Variants in NEMF observed in about 807,000 individuals in gnomAD.
NEMF encodes ribosome quality control complex subunit NEMF.
A neutral mutation model predicts 162.2 loss-of-function variants in NEMF; 89 were observed. The observed-to-expected ratio is 0.55, with a 90% CI of 0.46 to 0.65. The LOEUF is 0.65. Among genes scored for constraint, NEMF ranks in the 30% least tolerant of loss-of-function variants. NEMF has a pLI of 0.00. For missense variants in NEMF, 1,133 were observed against 1,261.9 expected, an observed-to-expected ratio of 0.90 and a Z score of 1.55; for synonymous variants, 421 against 404.5, an observed-to-expected ratio of 1.04 and a Z score of -0.49.
Position 49,782,933 on chromosome 14 carries a change from A to G in NEMF, c.*1703T>C, listed in dbSNP as rs1363337437. 3.1e-6 allele frequency: 5 copies of G among 1,613,314 alleles called. No homozygotes were observed. The highest frequency in any genetic ancestry group is 4.2e-6 in the Non-Finnish European group (5 of 1,179,696). On this transcript the variant is annotated 3_prime_UTR_variant, in exon 33 of 33. Coordinates refer to ENST00000298310, the MANE Select transcript of NEMF (RefSeq NM_004713.6). ...CAGTGTTAATCAGAGGTTTGGTAGT[A>G]ACAACACTTCTGGATCTTAAGGCTT...
intron 16 of NEMF, among the ~76,000 whole-genome samples, chr14:49,821,890 T>C (rs1167709300): frequency 1.3e-5 from 2 of 152,006 alleles, no homozygotes; most frequent in South Asian, 4.2e-4. Context: ...GGGGAAAAGA[T>C]TGAGAAATTG....
At chr14:49,812,329 T>C (rs959195427) in intron 18 of NEMF, among the ~76,000 whole-genome samples, 4 of 152,174 alleles carry the variant, frequency 2.6e-5, no homozygotes, top group Non-Finnish European at 5.9e-5. Flanking sequence ...AGCCAAGGGT[T>C]TATCAATTTT....
At chr14:49,807,679 C>T (rs1427829694) in intron 18 of NEMF, among the ~76,000 whole-genome samples, 3 of 151,420 alleles carry the variant, frequency 2.0e-5, no homozygotes, top group African/African-American at 7.3e-5. Flanking sequence ...TCACTGCAAC[C>T]TCCACCACCT....
chr14:49,823,341 T>C (rs947667334), intron 16 of NEMF, among the ~76,000 whole-genome samples: 1 of 151,876 alleles, frequency 6.6e-6, no homozygotes, highest in Admixed American at 6.5e-5. Flanking sequence ...ATCAAAACTA[T>C]TCTCAGAGAG....
intron 25 of NEMF, among the ~76,000 whole-genome samples, chr14:49,798,428 A>G (rs1890790783): frequency 6.6e-6 from 1 of 152,198 alleles, no homozygotes; most frequent in Non-Finnish European, 1.5e-5. Context: ...ATATACATAC[A>G]GTTTACATTT....
Position 49,782,778 on chromosome 14 carries a change from A to T in NEMF, c.*1858T>A. On this transcript the variant is annotated 3_prime_UTR_variant, in exon 33 of 33. Coordinates refer to ENST00000298310, the MANE Select transcript of NEMF (RefSeq NM_004713.6). ...TTTATGTAGTTTTTCAAGTGAATGTACTTCCAAACAGTAAAGTGAAATTAC... is the reference window on the plus strand; with the variant it reads ...TTTATGTAGTTTTTCAAGTGAATGTTCTTCCAAACAGTAAAGTGAAATTAC... 1 of 1,576,806 alleles carries T rather than the reference A, an allele frequency of 6.3e-7. No individual in the cohort carries two copies. Among genetic ancestry groups the T allele is most frequent in the Non-Finnish European group, 8.6e-7 (1 of 1,161,946 alleles).
intron 3 of NEMF, among the ~76,000 whole-genome samples, chr14:49,848,960 C>T (rs1383570277): frequency 6.8e-6 from 1 of 146,382 alleles, no homozygotes; most frequent in African/African-American, 2.5e-5. Context: ...CAACAATAAA[C>T]ACATAAATTC....
intron 15 of NEMF, among the ~76,000 whole-genome samples, chr14:49,826,193 C>A (rs901483031): frequency 6.6e-6 from 1 of 151,742 alleles, no homozygotes; most frequent in Non-Finnish European, 1.5e-5. Context: ...AAATATTTGC[C>A]CAAGACCTAC....
rs568315394 is a variant in NEMF at position 49,836,057 on chromosome 14, C to A, written c.575-1608G>T. Among the ~76,000 whole-genome samples the A allele has an allele frequency of 3.3e-5, 5 of 152,258 alleles. No individual in the cohort carries two copies. The East Asian group carries it at 7.7e-4, about 24-fold the overall frequency. On this transcript the variant is annotated intron_variant, in intron 6 of 32. Coordinates refer to ENST00000298310, the MANE Select transcript of NEMF (RefSeq NM_004713.6). ...TTAATGTAATCCTTACCAGGCCAGGCAGTGGCTCACAGCTGTAATTGAGAC... is the reference window on the plus strand; with the variant it reads ...TTAATGTAATCCTTACCAGGCCAGGAAGTGGCTCACAGCTGTAATTGAGAC...
intron 20 of NEMF, 43 bp downstream of exon 20, chr14:49,803,194 T>A (rs768568944): frequency 2.3e-6 from 3 of 1,322,036 alleles, no homozygotes; most frequent in Non-Finnish European, 2.2e-6. Context: ...GTCTCCATAA[T>A]CCATTGACAA....
chr14:49,795,761 G>A, intron 26 of NEMF, 30 bp downstream of exon 26: 1 of 1,575,272 alleles, frequency 6.3e-7, no homozygotes, highest in Non-Finnish European at 8.6e-7. Flanking sequence ...CAAATTAACT[G>A]TGAACCATAT....
intron 19 of NEMF, among the ~76,000 whole-genome samples, chr14:49,805,426 G>T (rs974667434): frequency 1.3e-5 from 2 of 152,026 alleles, no homozygotes; most frequent in Admixed American, 1.3e-4. Flanking sequence ...ATTTTGGGAG[G>T]CTGAAGCAAG....
intron 18 of NEMF, among the ~76,000 whole-genome samples, chr14:49,812,658 T>C (rs551154527): frequency 6.6e-6 from 1 of 152,350 alleles, no homozygotes; most frequent in South Asian, 2.1e-4. Context: ...CTTTGTTCCA[T>C]TGCTTATTTA....
At chr14:49,810,508 A>G (rs1396723639) in intron 18 of NEMF, among the ~76,000 whole-genome samples, 1 of 152,162 alleles carries the variant, frequency 6.6e-6, no homozygotes, top group African/African-American at 2.4e-5. Context: ...CCCTTGATCT[A>G]TTTGTCCATC....
chr14:49,789,542 T>C lies in NEMF; in HGVS notation c.2651A>G (p.Lys884Arg), dbSNP rs769832049. 1.6e-5 allele frequency: 25 copies of C among 1,611,516 alleles called. No individual in the cohort carries two copies. Among genetic ancestry groups the C allele is most frequent in the Admixed American group, 5.0e-5 (3 of 59,554 alleles). ...SKMKKMKEKYKDQDEEDRELI... is the reference protein window; with the variant it reads ...SKMKKMKEKYRDQDEEDRELI... ...TTCACGGTCTTCTTCATCCTGGTCT[T>C]TGTATTTTTCTTTCATTTTTTTCAT... Residue 884 changes from lysine (K) to arginine (R), a missense_variant, in exon 27 of 33, where the codon AAA becomes AGA. Physicochemically the swap from Lys to Arg is conservative, Grantham distance 26. Transcript: ENST00000298310.
intron 13 of NEMF, 107 bp from the exon 14 acceptor site, chr14:49,828,914 ATTAT>A: frequency 1.6e-6 from 2 of 1,279,482 alleles, no homozygotes; most frequent in Non-Finnish European, 2.1e-6. Context: ...TGGAAGTTTC[ATTAT>A]TTATTTTAAT....
chr14:49,799,662 C>T lies in NEMF; in HGVS notation c.2389G>A (p.Ala797Thr), dbSNP rs776857492. Residue 797 changes from alanine (A) to threonine (T), a missense_variant, in exon 24 of 33, where the codon GCT (alanine) becomes ACT (threonine). Physicochemically the swap from Ala to Thr is moderately conservative, Grantham distance 58. Around this residue, in one of 3 missense-constraint regions of NEMF, gnomAD observed 532 missense variants for 578.6 expected, o/e 0.92. Coordinates refer to ENST00000298310, the MANE Select transcript of NEMF (RefSeq NM_004713.6). ...LQPQRSIQKLASKEESSNSSD... is the reference protein window; with the variant it reads ...LQPQRSIQKLTSKEESSNSSD... ...GAATTAGAAGATTCCTCTTTTGAAG[C>T]CAATTTCTGGATGGACCTATGAAAA... 101 of 1,611,918 alleles carry T rather than the reference C, an allele frequency of 6.3e-5. No individual in the cohort carries two copies. The highest frequency in any genetic ancestry group is 8.0e-5 in the Non-Finnish European group (94 of 1,179,282).
At chr14:49,846,887 T>A (rs1398294817) in intron 3 of NEMF, among the ~76,000 whole-genome samples, 1 of 152,242 alleles carries the variant, frequency 6.6e-6, no homozygotes, top group Non-Finnish European at 1.5e-5. Flanking sequence ...ACAACCTTTA[T>A]TTATTTACTT....
chr14:49,786,859 C>G, intron 28 of NEMF, 109 bp from the exon 29 acceptor site: 1 of 1,005,186 alleles, frequency 9.9e-7, no homozygotes, highest in Non-Finnish European at 1.5e-6. Flanking sequence ...ACTGTCATTT[C>G]TGACCCACAG....
Sources: gnomAD v4.1 joint callset for allele counts (sites outside exome capture counted in the v4.1 genomes callset) on GRCh38, gnomAD v4.1.1 for gene constraint, gnomAD v4.1.1 regional missense constraint, MANE v1.5 for transcripts, NCBI Gene and HGNC (gene_info 2026-07-23, HGNC 2026-07-21) for gene names.